SNX16: variants seen among roughly 807,000 people sequenced by gnomAD.
SNX16 encodes the protein sorting nexin 16.
In SNX16, 35 loss-of-function variants were observed where a neutral mutation model predicts 36.7. The ratio of observed to expected loss-of-function variants is 0.95; its 90% CI spans 0.73 to 1.27. The LOEUF is 1.27. Ranked by LOEUF, SNX16 falls within the 50% of genes most tolerant of loss-of-function variation. SNX16 has a pLI of 0.00. For synonymous variants in SNX16, 134 were observed against 132.0 expected, an observed-to-expected ratio of 1.02 and a Z score of -0.10; for missense variants, 367 against 393.6, an observed-to-expected ratio of 0.93 and a Z score of 0.57.
intron 5 of SNX16, among the ~76,000 whole-genome samples, chr8:81,811,906 G>GA (rs1324874450): frequency 1.3e-5 from 2 of 151,806 alleles, no homozygotes; most frequent in East Asian, 1.9e-4. Context: ...AAATAAACTA[G>GA]AAAAAATTGA....
At chr8:81,822,512 GGGA>G (rs1241311316) in intron 4 of SNX16, among the ~76,000 whole-genome samples, 1 of 152,006 alleles carries the variant, frequency 6.6e-6, no homozygotes. Flanking sequence ...GTAGTAAGAG[GGGA>G]GGAGGAAGAC....
intron 5 of SNX16, chr8:81,807,785 A>T: frequency 2.8e-6 from 2 of 716,602 alleles, no homozygotes; most frequent in Non-Finnish European, 5.1e-6. Flanking sequence ...TCTAAGTCAG[A>T]GTCTCCTAAA....
chr8:81,841,335 C>G (rs1387215792), intron 1 of SNX16, among the ~76,000 whole-genome samples: 2 of 141,920 alleles, frequency 1.4e-5, no homozygotes, highest in Non-Finnish European at 3.0e-5. Flanking sequence ...GAGGAAAACT[C>G]CGTCTCAAAA....
At chr8:81,812,495 G>A (rs1026192257) in intron 5 of SNX16, among the ~76,000 whole-genome samples, 3 of 151,736 alleles carry the variant, frequency 2.0e-5, no homozygotes, top group Non-Finnish European at 2.9e-5. Flanking sequence ...AAATAATAGG[G>A]GCCAGAAGGC....
At chr8:81,824,954 C>T (rs751951839) in intron 3 of SNX16, among the ~76,000 whole-genome samples, 5 of 152,182 alleles carry the variant, frequency 3.3e-5, no homozygotes, top group Non-Finnish European at 5.9e-5. Context: ...TGGCTGCTGG[C>T]TGAGAACTTT....
At chr8:81,832,011 T>G (rs1481204000) in intron 2 of SNX16, among the ~76,000 whole-genome samples, 2 of 152,202 alleles carry the variant, frequency 1.3e-5, no homozygotes, top group Non-Finnish European at 2.9e-5. Context: ...TGGAGATTTC[T>G]CAAAGAACTT....
chr8:81,829,405 A>G (rs1314028354), intron 3 of SNX16, 25 bp downstream of exon 3: 2 of 1,062,566 alleles, frequency 1.9e-6, no homozygotes, highest in Non-Finnish European at 2.6e-6. Flanking sequence ...CTGAAATGTT[A>G]GTTTGGATTT....
At chr8:81,815,516 A>C (rs1299669862) in intron 4 of SNX16, 122 bp from the exon 5 acceptor site, 1 of 602,270 alleles carries the variant, frequency 1.7e-6, no homozygotes, top group Non-Finnish European at 2.9e-6. Flanking sequence ...TTTTCATACA[A>C]GTAACTAAAT....
chr8:81,820,023 T>C lies in SNX16; in HGVS notation c.611+3769A>G, dbSNP rs143477273. Among the ~76,000 whole-genome samples the C allele has an allele frequency of 5.8e-3, 876 of 152,200 alleles. 4 individuals carry two copies. The highest frequency in any genetic ancestry group is 8.6e-3 in the Admixed American group (132 of 15,278). On this transcript the variant is annotated intron_variant, in intron 4 of 7. Coordinates refer to ENST00000345957, the MANE Select transcript of SNX16 (RefSeq NM_152836.3). ...TTAATAAACAATTAATATGAATGTA[T>C]AAACAATATCAAATAATTATTTGGC...
Position 81,803,118 on chromosome 8 carries a change from A to G in SNX16, c.792T>C (p.His264=), listed in dbSNP as rs1476866008. Residue 264 remains histidine, a synonymous_variant, in exon 6 of 8, where the codon CAT becomes CAC. Coordinates refer to ENST00000345957, the MANE Select transcript of SNX16 (RefSeq NM_152836.3). ...LKKLLSEKQL[H]IDTLENRIRT... ...TGATTCTGTTCTCTAAAGTGTCTATATGAAGTTGCTTCTCACTGAGCAGTT... is the reference window on the plus strand; with the variant it reads ...TGATTCTGTTCTCTAAAGTGTCTATGTGAAGTTGCTTCTCACTGAGCAGTT... 3 of 1,610,334 alleles carry G rather than the reference A, an allele frequency of 1.9e-6. No homozygotes were observed. The highest frequency in any genetic ancestry group is 1.7e-6 in the Non-Finnish European group (2 of 1,178,426).
chr8:81,823,974 A>C (rs773025111), intron 3 of SNX16, 34 bp from the exon 4 acceptor site: 39 of 1,587,076 alleles, frequency 2.5e-5, no homozygotes, highest in Non-Finnish European at 3.3e-5. Context: ...TACAATGTTT[A>C]ACTCAAGCAC....
intron 4 of SNX16, among the ~76,000 whole-genome samples, chr8:81,820,204 C>CT (rs1470325253): frequency 1.4e-5 from 2 of 147,976 alleles, no homozygotes; most frequent in African/African-American, 2.5e-5. Context: ...GAGATTTTGT[C>CT]TTTTTTCCTT....
Position 81,822,964 on chromosome 8 carries a change from A to ATACACATATATATATATGTATATG in SNX16, c.611+827_611+828insCATATACATATATATATATGTGTA, listed in dbSNP as rs1818277231. 2.4e-5 allele frequency among the ~76,000 whole-genome samples: 3 copies of ATACACATATATATATATGTATATG among 127,250 alleles called. No individual in the cohort carries two copies. In the East Asian group the frequency reaches 6.1e-4, roughly 26 times the overall value. The allele number at this position is 127,250 out of a possible 152,430, so 83.5% of individuals were successfully genotyped here. On this transcript the variant is annotated intron_variant, in intron 4 of 7. Coordinates refer to ENST00000345957, the MANE Select transcript of SNX16 (RefSeq NM_152836.3). Reference sequence around the variant, plus strand: ...TACATATACATATATATATATATATATATATATATATACACATATGTGTGT... The same window carrying ATACACATATATATATATGTATATG: ...TACATATACATATATATATATATATATACACATATATATATATGTATATGTATATATATATACACATATGTGTGT...
chr8:81,839,774 G>T lies in SNX16; in HGVS notation c.213C>A (p.Pro71=). The T allele has an allele frequency of 6.2e-7, 1 of 1,613,588 alleles. No homozygotes were observed. Among genetic ancestry groups the T allele is most frequent in the Non-Finnish European group, 8.5e-7 (1 of 1,179,594 alleles). The change falls in exon 2 of 8, where the codon CCC becomes CCA. Residue 71 remains proline, a synonymous_variant. Coordinates refer to ENST00000345957, the MANE Select transcript of SNX16 (RefSeq NM_152836.3). ...MDNTSSVCSS[P]LIRTKFTGTA... ...TACCTGTAAATTTAGTCCTAATGAGGGGACTGCTACAGACAGATGAAGTAT... is the reference window on the plus strand; with the variant it reads ...TACCTGTAAATTTAGTCCTAATGAGTGGACTGCTACAGACAGATGAAGTAT...
Position 81,800,820 on chromosome 8 carries a change from CTG to C in SNX16, c.*675_*676del, listed in dbSNP as rs1454315453. 2 of 152,162 alleles carry C rather than the reference CTG, an allele frequency of 1.3e-5. No individual in the cohort carries two copies. Among genetic ancestry groups the C allele is most frequent in the Non-Finnish European group, 3.0e-5 (2 of 67,694 alleles). 9.4% of individuals were successfully genotyped at this position (152,162 alleles called of 1,614,324 possible). A position where few individuals can be genotyped will look rare whatever the true frequency, so the allele number is the denominator to read the frequency against. On this transcript the variant is annotated 3_prime_UTR_variant, in exon 8 of 8. Coordinates refer to ENST00000345957, the MANE Select transcript of SNX16 (RefSeq NM_152836.3). ...CTAAACAAATGTAACATATTAATAA[CTG>C]TGACACTTATTAAAGTATTTTGATA...
rs527687697 is a variant in SNX16 at position 81,801,290 on chromosome 8, T to G, written c.*207A>C. ...ACAAGATTTTTTTTAGTGTATTAAA[T>G]GTAATTGGATAAAATACAATTAAAA... On this transcript the variant is annotated 3_prime_UTR_variant, in exon 8 of 8. Coordinates refer to ENST00000345957, the MANE Select transcript of SNX16 (RefSeq NM_152836.3). 3.7e-4 allele frequency: 147 copies of G among 396,952 alleles called. No homozygotes were observed. The highest frequency in any genetic ancestry group is 1.3e-3 in the Middle Eastern group (2 of 1,484). 24.6% of individuals were successfully genotyped at this position (396,952 alleles called of 1,614,324 possible).
At chr8:81,819,266 A>C (rs1326890015) in intron 4 of SNX16, among the ~76,000 whole-genome samples, 1 of 152,108 alleles carries the variant, frequency 6.6e-6, no homozygotes, top group Admixed American at 6.6e-5. Flanking sequence ...GATTAATGAC[A>C]TAATAATTTA....
At chr8:81,808,531 T>C in intron 5 of SNX16, 2 of 980,862 alleles carry the variant, frequency 2.0e-6, no homozygotes, top group East Asian at 2.4e-5. Flanking sequence ...GGAAGCAACT[T>C]TGGAGGTGGT....
chr8:81,820,233 T>C (rs545593829), intron 4 of SNX16, among the ~76,000 whole-genome samples: 17 of 55,302 alleles, frequency 3.1e-4, no homozygotes, highest in African/African-American at 1.6e-3. Context: ...TAGGAGGGAT[T>C]TCCCCCCCTT....
Sources: gnomAD v4.1 joint callset for allele counts (sites outside exome capture counted in the v4.1 genomes callset) on GRCh38, gnomAD v4.1.1 for gene constraint, MANE v1.5 for transcripts, NCBI Gene and HGNC (gene_info 2026-07-23, HGNC 2026-07-21) for gene names.